Variants in PPP4R3B observed in about 807,000 individuals in gnomAD.
PPP4R3B encodes the protein serine/threonine-protein phosphatase 4 regulatory subunit 3B.
PPP4R3B carries 52 observed loss-of-function variants against 95.4 expected under a neutral mutation model. The observed-to-expected ratio is 0.54, with a 90% confidence interval of 0.44 to 0.69. The LOEUF (loss-of-function observed/expected upper bound fraction) is 0.69. Among genes scored for constraint, PPP4R3B ranks in the 30% least tolerant of loss-of-function variants. The probability of loss-of-function intolerance (pLI) is 0.00; values close to 1 mark genes in which losing one functional copy is unlikely to be tolerated. For synonymous variants in PPP4R3B, 407 were observed against 343.9 expected, an observed-to-expected ratio of 1.18 and a Z score of -2.03; for missense variants, 1,003 against 1,005.9, an observed-to-expected ratio of 1.00 and a Z score of 0.04.
At chr2:55,599,644 G>A (rs1410521984) in intron 3 of PPP4R3B, among the ~76,000 whole-genome samples, 3 of 152,102 alleles carry the variant, frequency 2.0e-5, no homozygotes, top group African/African-American at 7.2e-5. Flanking sequence ...ACGTCTCAGA[G>A]ACAGCCAATG....
Position 55,568,209 on chromosome 2 carries a change from A to G in PPP4R3B, c.1920T>C (p.Phe640=), listed in dbSNP as rs1185377828. 4.5e-6 allele frequency: 7 copies of G among 1,554,870 alleles called. No homozygotes were observed. Among genetic ancestry groups the G allele is most frequent in the Non-Finnish European group, 6.1e-6 (7 of 1,153,148 alleles). Residue 640 remains phenylalanine (F), a synonymous_variant, in exon 13 of 17, where the codon TTT becomes TTC. Coordinates refer to ENST00000616407, the MANE Select transcript of PPP4R3B (RefSeq NM_001122964.3). ...ATAAACTTACCACTCTTATAAATTCAAACAACTCAATAACAGCTGAATTCA... is the reference window on the plus strand; with the variant it reads ...ATAAACTTACCACTCTTATAAATTCGAACAACTCAATAACAGCTGAATTCA... ...NLLNSAVIEL[F]EFIRVEDIKS...
intron 13 of PPP4R3B, among the ~76,000 whole-genome samples, chr2:55,567,709 C>A (rs1687491774): frequency 6.6e-6 from 1 of 152,180 alleles, no homozygotes; most frequent in African/African-American, 2.4e-5. Flanking sequence ...AGCCACCACG[C>A]CCAACCCCAA....
chr2:55,587,619 A>AAT (rs1690330683), intron 5 of PPP4R3B, among the ~76,000 whole-genome samples: 1 of 152,230 alleles, frequency 6.6e-6, no homozygotes, highest in Admixed American at 6.5e-5. Context: ...CATCTTTCAG[A>AAT]AGGCTAACAC....
In PPP4R3B at chr2:55,581,665, T is replaced by C; in HGVS notation, c.1267A>G (p.Met423Val). Reference sequence around the variant, plus strand: ...AGCTCAGGATCAGTATCACAGATCATTTGTTCAATTACCACATTAATAAGA... The same window carrying C: ...AGCTCAGGATCAGTATCACAGATCACTTGTTCAATTACCACATTAATAAGA... ...ILLINVVIEQ[M>V]ICDTDPELGG... Residue 423 changes from methionine to valine, a missense_variant, in exon 8 of 17, where the codon ATG becomes GTG. By Grantham distance (21) the Met-to-Val change is conservative. This residue lies in a region of PPP4R3B where 695 missense variants were observed against 686.2 expected (regional missense o/e 1.01). Coordinates refer to ENST00000616407, the MANE Select transcript of PPP4R3B (RefSeq NM_001122964.3). The C allele has an allele frequency of 6.2e-7, 1 of 1,613,416 alleles. No homozygotes were observed. Among genetic ancestry groups the C allele is most frequent in the Middle Eastern group, 1.7e-4 (1 of 6,052 alleles).
intron 12 of PPP4R3B, among the ~76,000 whole-genome samples, chr2:55,570,142 C>T (rs1335257445): frequency 6.6e-6 from 1 of 152,026 alleles, no homozygotes; most frequent in African/African-American, 2.4e-5. Context: ...CCCAGCTACT[C>T]GGGAGGCTGC....
chr2:55,560,721 G>A (rs1686482713), intron 15 of PPP4R3B, among the ~76,000 whole-genome samples: 1 of 141,140 alleles, frequency 7.1e-6, no homozygotes, highest in Non-Finnish European at 1.5e-5. Flanking sequence ...AGGTTGCAGT[G>A]AGCTGAGATC....
At position 55,564,399 on chromosome 2, in the gene PPP4R3B, C is replaced by T; in HGVS notation, c.2174G>A (p.Gly725Glu). 6.2e-7 allele frequency: 1 copy of T among 1,613,918 alleles called. No homozygotes were observed. Among genetic ancestry groups the T allele is most frequent in the Non-Finnish European group, 8.5e-7 (1 of 1,179,912 alleles). The change falls in exon 15 of 17, where the codon GGA (glycine) becomes GAA (glutamate). Residue 725 changes from glycine to glutamate, a missense_variant. Physicochemically the swap from Gly to Glu is moderately conservative, Grantham distance 98 (BLOSUM62 -2). Around this residue, in one of 3 missense-constraint regions of PPP4R3B, gnomAD observed 229 missense variants for 194.7 expected, o/e 1.18. Coordinates refer to ENST00000616407, the MANE Select transcript of PPP4R3B (RefSeq NM_001122964.3). ...MWFNEDEEEE[G>E]KAVVAPVEKP... ...TTCCACTGGTGCCACAACTGCTTTT[C>T]CTTCCTCTTCTTCATCTTCATTAAA...
At chr2:55,590,710 T>C (rs1690889315) in intron 4 of PPP4R3B, among the ~76,000 whole-genome samples, 1 of 152,238 alleles carries the variant, frequency 6.6e-6, no homozygotes, top group African/African-American at 2.4e-5. Flanking sequence ...TAAAAAAGTT[T>C]GTAACAATAG....
At chr2:55,611,311 G>A (rs994444969) in intron 2 of PPP4R3B, among the ~76,000 whole-genome samples, 3 of 152,274 alleles carry the variant, frequency 2.0e-5, no homozygotes, top group South Asian at 4.1e-4. Context: ...ACAAGCACAC[G>A]CCACCACACC....
At chr2:55,576,023 G>C (rs1367193015) in intron 11 of PPP4R3B, among the ~76,000 whole-genome samples, 1 of 151,368 alleles carries the variant, frequency 6.6e-6, no homozygotes, top group Non-Finnish European at 1.5e-5. Context: ...CAGTACCACA[G>C]CCAAAATTTG....
intron 12 of PPP4R3B, among the ~76,000 whole-genome samples, chr2:55,572,302 A>G (rs1011955824): frequency 2.0e-5 from 3 of 152,206 alleles, no homozygotes. Context: ...AGGAAATTTT[A>G]AAGTTATCTG....
At chr2:55,600,230 C>T (rs879644937) in intron 3 of PPP4R3B, among the ~76,000 whole-genome samples, 12 of 151,944 alleles carry the variant, frequency 7.9e-5, no homozygotes, top group Non-Finnish European at 1.3e-4. Flanking sequence ...AGTTCAAGAC[C>T]AGCCTGACCA....
chr2:55,560,220 TG>T (rs1197195709), intron 15 of PPP4R3B, among the ~76,000 whole-genome samples: 1 of 152,158 alleles, frequency 6.6e-6, no homozygotes, highest in Admixed American at 6.5e-5. Flanking sequence ...CAGGAAGATA[TG>T]GGAAAGTCTG....
Position 55,549,974 on chromosome 2 carries a change from A to G in PPP4R3B, c.2487T>C (p.Asp829=), listed in dbSNP as rs1685059752. 2.5e-6 allele frequency: 4 copies of G among 1,613,162 alleles called. No individual in the cohort carries two copies. The African/African-American group carries it at 5.3e-5, about 22-fold the overall frequency. ...GSLVGLVDYP[D]DEEEDEEEES... Reference sequence around the variant, plus strand: ...CTTCTTCTTCATCTTCCTCTTCATCATCTGGATAATCCACTAAGCCAACCA... The same window carrying G: ...CTTCTTCTTCATCTTCCTCTTCATCGTCTGGATAATCCACTAAGCCAACCA... The change falls in exon 17 of 17, where the codon GAT becomes GAC. Residue 829 remains aspartate, a synonymous_variant. Coordinates refer to ENST00000616407, the MANE Select transcript of PPP4R3B (RefSeq NM_001122964.3).
At chr2:55,613,381 A>T (rs72803595) in intron 2 of PPP4R3B, among the ~76,000 whole-genome samples, 5,518 of 151,770 alleles carry the variant, frequency 0.036, 139 homozygotes, top group South Asian at 0.09. Context: ...ACGAAAAAAT[A>T]AACTATTACA....
intron 16 of PPP4R3B, among the ~76,000 whole-genome samples, chr2:55,557,961 T>C (rs1437880014): frequency 1.3e-5 from 2 of 152,102 alleles, no homozygotes; most frequent in Non-Finnish European, 2.9e-5. Flanking sequence ...TCATCGACAA[T>C]AATATAATCC....
chr2:55,565,109 T>C (rs1687119266), intron 13 of PPP4R3B, 68 bp from the exon 14 acceptor site: 1 of 1,325,762 alleles, frequency 7.5e-7, no homozygotes, highest in Admixed American at 3.1e-5. Context: ...CTTTAAAATT[T>C]TGTTTTGTAG....
At position 55,602,370 on chromosome 2, in the gene PPP4R3B, A is replaced by G. The variant is rs1050814709; in HGVS notation, c.297+1608T>C. Among the ~76,000 whole-genome samples, 8 of 152,198 alleles carry G rather than the reference A, an allele frequency of 5.3e-5. No individual in the cohort carries two copies. In the East Asian group the frequency reaches 9.6e-4, roughly 18 times the overall value. On this transcript the variant is annotated intron_variant, in intron 3 of 16. Transcript: ENST00000616407. ...GTAAAGGACTGACCTTGCCAAAGGA[A>G]AAGTTTGGCCCTTATCTAGCCCCAG...
intron 16 of PPP4R3B, among the ~76,000 whole-genome samples, chr2:55,554,831 T>A (rs572286057): frequency 6.6e-6 from 1 of 152,334 alleles, no homozygotes; most frequent in South Asian, 2.1e-4. Flanking sequence ...TCCAAGGTCA[T>A]AGATATTTAT....
Sources: gnomAD v4.1 joint callset for allele counts (sites outside exome capture counted in the v4.1 genomes callset) on GRCh38, gnomAD v4.1.1 for gene constraint, gnomAD v4.1.1 regional missense constraint, MANE v1.5 for transcripts, NCBI Gene and HGNC (gene_info 2026-07-23, HGNC 2026-07-21) for gene names.